The following DYRK4 variants were observed in gnomAD, a reference collection of about 807,000 sequenced individuals.
DYRK4 encodes the protein dual specificity tyrosine-phosphorylation-regulated kinase 4.
DYRK4 carries 64 observed loss-of-function variants against 68.3 expected under a neutral mutation model. The observed-to-expected ratio is 0.94, with a 90% CI of 0.77 to 1.15. The LOEUF is 1.15. Ranked by LOEUF, DYRK4 falls within the 50% of genes most tolerant of loss-of-function variation. DYRK4 has a pLI of 0.00. For missense variants in DYRK4, 740 were observed against 764.7 expected (o/e 0.97, Z 0.38); for synonymous variants, 274 against 289.9 (o/e 0.95, Z 0.56).
intron 4 of DYRK4, 96 bp downstream of exon 4, chr12:4,590,536 C>T (rs1944942160): frequency 3.4e-6 from 5 of 1,478,896 alleles, no homozygotes; most frequent in Non-Finnish European, 3.6e-6. Context: ...TGGGGAAAAG[C>T]ACAGTAGCTG....
intron 10 of DYRK4, among the ~76,000 whole-genome samples, chr12:4,601,302 G>A (rs985845985): frequency 6.6e-6 from 1 of 152,148 alleles, no homozygotes; most frequent in Admixed American, 6.5e-5. Flanking sequence ...GGATACTTTT[G>A]CATCTGTAAC....
chr12:4,587,027 A>G (rs1944904534), intron 2 of DYRK4, among the ~76,000 whole-genome samples: 1 of 152,124 alleles, frequency 6.6e-6, no homozygotes, highest in Non-Finnish European at 1.5e-5. Flanking sequence ...GTGTGATTTT[A>G]GAGTCCATAC....
At chr12:4,565,622 A>G (rs1168633910) in intron 1 of DYRK4, among the ~76,000 whole-genome samples, 1 of 138,218 alleles carries the variant, frequency 7.2e-6, no homozygotes, top group Non-Finnish European at 1.5e-5. Context: ...AAGATTTCAC[A>G]TTTACTTTTT....
At chr12:4,590,277 AGACGTTTTCTT>A in intron 3 of DYRK4, 42 bp from the exon 4 acceptor site, 1 of 1,499,798 alleles carries the variant, frequency 6.7e-7, no homozygotes, top group Non-Finnish European at 8.9e-7. Context: ...TGACCCCTGG[AGACGTTTTCTT>A]GCCTAAGGCT....
Position 4,599,743 on chromosome 12 carries a change from G to A in DYRK4, c.1081G>A (p.Val361Ile), listed in dbSNP as rs1448123807. The change falls in exon 10 of 15, where the codon GTT (valine) becomes ATT (isoleucine). Residue 361 changes from valine to isoleucine, a missense_variant. Coordinates refer to ENST00000543431, the MANE Select transcript of DYRK4 (RefSeq NM_001394779.1). ...IVLYQKGQAS[V>I]KVIDFGSSCY... is the part of the protein sequence containing the mutation. Reference sequence around the variant, plus strand: ...GCTATACCAAAAGGGCCAAGCCTCTGTTAAAGTCATTGACTTTGGATCAAG... The same window carrying A: ...GCTATACCAAAAGGGCCAAGCCTCTATTAAAGTCATTGACTTTGGATCAAG... 6.2e-7 allele frequency: 1 copy of A among 1,614,014 alleles called. No homozygotes were observed. The highest frequency in any genetic ancestry group is 1.3e-5 in the African/African-American group (1 of 74,926).
chr12:4,573,252 T>G (rs3815360), intron 2 of DYRK4: 473,540 of 1,202,152 alleles, frequency 0.39, 98,211 homozygotes, highest in Admixed American at 0.46. Flanking sequence ...GGCATTTACT[T>G]CTATATAATG....
Position 4,606,293 on chromosome 12 carries a change from G to GCTATCTATCTATCTAT in DYRK4, c.1300-1017_1300-1002dup, listed in dbSNP as rs3083726. ...AAACACCAAGCTAGCTGGCTGGCTG[G>GCTATCTATCTATCTAT]CTATCTATCTATCTATCTATCTATC... On this transcript the variant is annotated intron_variant, in intron 11 of 14. Transcript: ENST00000543431. Among the ~76,000 whole-genome samples, 829 of 151,140 alleles carry GCTATCTATCTATCTAT rather than the reference G, an allele frequency of 5.5e-3. 2 individuals are homozygous for GCTATCTATCTATCTAT. Among genetic ancestry groups the GCTATCTATCTATCTAT allele is most frequent in the Middle Eastern group, 0.01 (3 of 292 alleles).
chr12:4,604,856 A>G, intron 10 of DYRK4, 58 bp from the exon 11 acceptor site: 1 of 1,487,252 alleles, frequency 6.7e-7, no homozygotes, highest in East Asian at 2.5e-5. Flanking sequence ...CCTGGGGGAG[A>G]GCGTTCTGGA....
chr12:4,601,112 G>C (rs1945075694), intron 10 of DYRK4, among the ~76,000 whole-genome samples: 1 of 152,140 alleles, frequency 6.6e-6, no homozygotes, highest in Non-Finnish European at 1.5e-5. Flanking sequence ...TAGGAGCTCT[G>C]TTCCAAAAAC....
intron 5 of DYRK4, 170 bp from the exon 6 acceptor site, chr12:4,592,832 T>C (rs1944972168): frequency 3.0e-6 from 2 of 668,708 alleles, no homozygotes; most frequent in South Asian, 2.1e-5. Flanking sequence ...TTGACATTTA[T>C]TCTTGTCATA....
At chr12:4,593,532 C>T (rs547558630) in intron 6 of DYRK4, among the ~76,000 whole-genome samples, 25 of 152,324 alleles carry the variant, frequency 1.6e-4, no homozygotes, top group African/African-American at 5.5e-4. Flanking sequence ...AATACAAGCC[C>T]ATACATGGAC....
chr12:4,574,531 G>T (rs1485620005), intron 2 of DYRK4, among the ~76,000 whole-genome samples: 2 of 152,124 alleles, frequency 1.3e-5, no homozygotes, highest in Non-Finnish European at 2.9e-5. Context: ...GATTGATTAG[G>T]CCTCTGCTGA....
At chr12:4,587,038 C>T (rs12308565) in intron 2 of DYRK4, among the ~76,000 whole-genome samples, 8 of 151,662 alleles carry the variant, frequency 5.3e-5, no homozygotes, top group Middle Eastern at 3.2e-3. Context: ...GAGTCCATAC[C>T]CATGAGCATT....
Position 4,582,594 on chromosome 12 carries a change from A to G in DYRK4, c.133-6343A>G, listed in dbSNP as rs115927522. ...GCACAGGGTAGCGAGTGGCTTACAAATATTAATACAAGAGGGAGTGGTCAC... is the reference window on the plus strand; with the variant it reads ...GCACAGGGTAGCGAGTGGCTTACAAGTATTAATACAAGAGGGAGTGGTCAC... On this transcript the variant is annotated intron_variant, in intron 2 of 14. Transcript: ENST00000543431. Among the ~76,000 whole-genome samples, 673 of 152,326 alleles carry G rather than the reference A, an allele frequency of 4.4e-3. 7 individuals carry two copies. Among genetic ancestry groups the G allele is most frequent in the African/African-American group, 0.015 (644 of 41,562 alleles).
intron 2 of DYRK4, among the ~76,000 whole-genome samples, chr12:4,572,180 T>G (rs1183020390): frequency 6.6e-6 from 1 of 152,208 alleles, no homozygotes; most frequent in East Asian, 1.9e-4. Context: ...AGTTAAAGAG[T>G]TGGAACTGAA....
rs1386194163 is a variant in DYRK4 at position 4,602,389 on chromosome 12, G to T, written c.1127-2525G>T. ...TTGTTCTCGTTTTGTAGTTCTTTCT[G>T]TCAAGGGGAAAGACAGTATGTTGAG... On this transcript the variant is annotated intron_variant, in intron 10 of 14. Coordinates refer to ENST00000543431, the MANE Select transcript of DYRK4 (RefSeq NM_001394779.1). The T allele has an allele frequency of 5.5e-6, 5 of 912,856 alleles. No homozygotes were observed. The East Asian group carries it at 9.7e-5, about 18-fold the overall frequency. 56.5% of individuals were successfully genotyped at this position (912,856 alleles called of 1,614,324 possible). A position where few individuals can be genotyped will look rare whatever the true frequency, so the allele number is the denominator to read the frequency against.
intron 2 of DYRK4, among the ~76,000 whole-genome samples, chr12:4,572,010 C>A (rs1324327761): frequency 6.6e-6 from 1 of 152,200 alleles, no homozygotes; most frequent in East Asian, 1.9e-4. Context: ...TATGTGCTGT[C>A]TACTCATCTC....
Position 4,591,286 on chromosome 12 carries a change from C to CTT in DYRK4, c.452_453insTT (p.Thr152Ter). 1.2e-6 allele frequency: 2 copies of CTT among 1,614,014 alleles called. No individual in the cohort carries two copies. The highest frequency in any genetic ancestry group is 1.7e-6 in the Non-Finnish European group (2 of 1,179,962). On this transcript the variant is annotated frameshift_variant, in exon 5 of 15. Coordinates refer to ENST00000543431, the MANE Select transcript of DYRK4 (RefSeq NM_001394779.1). LOFTEE classifies it high-confidence loss of function. This position sits in a 1 kb window ranked among gnomAD's most constrained non-coding sequence, Gnocchi z 4.1. ...GTCACCAAAGAAGCAAAAGGTGACT[C>CTT]TGACAGCGGCAGGTATGCCTTTGGG...
In DYRK4 at chr12:4,599,176, A is replaced by G; in HGVS notation, c.1044+10A>G. On this transcript the variant is annotated intron_variant, in intron 9 of 14. Coordinates refer to ENST00000543431, the MANE Select transcript of DYRK4 (RefSeq NM_001394779.1). ...CTGTGATCTCAAGCCCGTGAGTACC[A>G]TCTCCGTCCTGCCATGGACACACTC... 6.2e-7 allele frequency: 1 copy of G among 1,612,650 alleles called. No homozygotes were observed. The highest frequency in any genetic ancestry group is 8.5e-7 in the Non-Finnish European group (1 of 1,179,732).
Sources: gnomAD v4.1 joint callset for allele counts (sites outside exome capture counted in the v4.1 genomes callset) on GRCh38, gnomAD v4.1.1 for gene constraint, Gnocchi (gnomAD v3.1) non-coding constraint, MANE v1.5 for transcripts, NCBI Gene and HGNC (gene_info 2026-07-23, HGNC 2026-07-21) for gene names.